CHD8: variants seen among roughly 807,000 people sequenced by gnomAD.
CHD8 encodes ATP-dependent chromatin remodeler CHD8.
CHD8 carries 31 observed loss-of-function variants against 279.2 expected under a neutral mutation model. The ratio of observed to expected loss-of-function variants is 0.11; its 90% CI spans 0.08 to 0.15. The LOEUF (loss-of-function observed/expected upper bound fraction) is 0.15. Among genes scored for constraint, CHD8 ranks in the 10% least tolerant of loss-of-function variants. CHD8 has a pLI of 1.00. For synonymous variants in CHD8, 1,081 were observed against 1,139.6 expected, an observed-to-expected ratio of 0.95 and a Z score of 1.04; for missense variants, 2,146 against 3,230.5, an observed-to-expected ratio of 0.66 and a Z score of 8.14.
At chr14:21,401,095 G>T in intron 21 of CHD8, 24 bp from the exon 22 acceptor site, 1 of 1,521,504 alleles carries the variant, frequency 6.6e-7, no homozygotes, top group Non-Finnish European at 8.9e-7. Context: ...AGAAGGAGAA[G>T]TAATTCTCTT....
In CHD8 at chr14:21,405,682, T is replaced by C. The variant is rs1259736770; in HGVS notation, c.3051+39A>G. On this transcript the variant is annotated intron_variant, in intron 15 of 37. Coordinates refer to ENST00000646647, the MANE Select transcript of CHD8 (RefSeq NM_001170629.2). This position sits in a 1 kb window ranked among gnomAD's most constrained non-coding sequence, Gnocchi z 4.2. ...TCTGCCTTGTACAAACTTCACCTTC[T>C]TTGTCCTGAGTTAGTACCTCATCAG... 6.2e-7 allele frequency: 1 copy of C among 1,607,816 alleles called. No individual in the cohort carries two copies. The highest frequency in any genetic ancestry group is 8.5e-7 in the Non-Finnish European group (1 of 1,176,526).
At chr14:21,444,362 T>C (rs1031844721) in intron 1 of CHD8, among the ~76,000 whole-genome samples, 4 of 152,226 alleles carry the variant, frequency 2.6e-5, no homozygotes, top group Non-Finnish European at 4.4e-5. Context: ...CAAAATAGTT[T>C]AGTTTCAGTT....
chr14:21,399,198 G>T, intron 26 of CHD8: 1 of 288,812 alleles, frequency 3.5e-6, no homozygotes, highest in South Asian at 3.3e-5. Flanking sequence ...ATACAACTGC[G>T]ACAAGATGAT....
chr14:21,449,261 G>A (rs1159020192), intron 1 of CHD8, among the ~76,000 whole-genome samples: 1 of 152,134 alleles, frequency 6.6e-6, no homozygotes, highest in Non-Finnish European at 1.5e-5. Context: ...CCTACTCTTG[G>A]TTGTGTTACC....
intron 37 of CHD8, among the ~76,000 whole-genome samples, chr14:21,390,545 C>T (rs1404940481): frequency 1.3e-5 from 2 of 152,046 alleles, no homozygotes; most frequent in African/African-American, 2.4e-5. Context: ...TTTGGGAGGC[C>T]GAGGCGGGTG....
chr14:21,395,884 A>G lies in CHD8; in HGVS notation c.5060T>C (p.Phe1687Ser). Residue 1687 changes from phenylalanine (F) to serine (S), a missense_variant, in exon 28 of 38, where the codon TTT (phenylalanine) becomes TCT (serine). This residue lies in a region of CHD8 where 75 missense variants were observed against 81.3 expected (regional missense o/e 0.92). Transcript: ENST00000646647. ...TTCAGGATCTTCACAATCTTTATCAAAGTCAACCCTAAAATTATGGAGAGG... is the reference window on the plus strand; with the variant it reads ...TTCAGGATCTTCACAATCTTTATCAGAGTCAACCCTAAAATTATGGAGAGG... ...NFSDIVEGVDFDKDCEDPEYK... is the reference protein window; with the variant it reads ...NFSDIVEGVDSDKDCEDPEYK... 1 of 1,610,030 alleles carries G rather than the reference A, an allele frequency of 6.2e-7. No individual in the cohort carries two copies. Among genetic ancestry groups the G allele is most frequent in the Non-Finnish European group, 8.5e-7 (1 of 1,176,606 alleles).
chr14:21,441,689 C>G lies in CHD8; in HGVS notation c.-215-9831G>C, dbSNP rs570786214. Reference sequence around the variant, plus strand: ...ATATCACGAGGTCAGGAGATGGAGACCATCCTGGCTAACACGGTGAAACCC... The same window carrying G: ...ATATCACGAGGTCAGGAGATGGAGAGCATCCTGGCTAACACGGTGAAACCC... On this transcript the variant is annotated intron_variant, in intron 1 of 37. Transcript: ENST00000646647. 7.0e-3 allele frequency among the ~76,000 whole-genome samples: 1,071 copies of G among 151,968 alleles called. 7 individuals carry two copies. Among genetic ancestry groups the G allele is most frequent in the African/African-American group, 0.013 (528 of 41,428 alleles).
At chr14:21,448,373 ATAAC>A (rs1448037055) in intron 1 of CHD8, among the ~76,000 whole-genome samples, 8 of 152,234 alleles carry the variant, frequency 5.3e-5, no homozygotes, top group Admixed American at 3.9e-4. Context: ...TATCTTCAAA[ATAAC>A]TAAGTTAAAT....
In CHD8 at chr14:21,429,032, T is replaced by C. The variant is rs1889449441; in HGVS notation, c.1147A>G (p.Ile383Val). ...VTLSSVQQAQ[I>V]MGPGQSPGQR... ...CCTGGGCTTTGTCCTGGTCCCATTATCTGAGCCTGCTGTACAGAGGACAGA... is the reference window on the plus strand; with the variant it reads ...CCTGGGCTTTGTCCTGGTCCCATTACCTGAGCCTGCTGTACAGAGGACAGA... Residue 383 changes from isoleucine (I) to valine (V), a missense_variant, in exon 3 of 38, where the codon ATA becomes GTA. Around this residue, in one of 26 missense-constraint regions of CHD8, gnomAD observed 170 missense variants for 189.9 expected, o/e 0.90. Transcript: ENST00000646647. The C allele has an allele frequency of 6.2e-7, 1 of 1,614,036 alleles. No homozygotes were observed. Among genetic ancestry groups the C allele is most frequent in the Non-Finnish European group, 8.5e-7 (1 of 1,179,890 alleles).
At chr14:21,418,282 C>T (rs1167520162) in intron 5 of CHD8, among the ~76,000 whole-genome samples, 2 of 151,998 alleles carry the variant, frequency 1.3e-5, no homozygotes, top group African/African-American at 4.8e-5. Flanking sequence ...CTTTGGAAGG[C>T]CAAGGCGGGC....
chr14:21,403,246 G>A lies in CHD8; in HGVS notation c.3519-34C>T. On this transcript the variant is annotated intron_variant, in intron 17 of 37. Transcript: ENST00000646647. This position sits in a 1 kb window ranked among gnomAD's most constrained non-coding sequence, Gnocchi z 4.3. ...GAATCGCAGAAAAAAAATGTAAGTG[G>A]CTAAGCAGAAGTGGAGACCAAAACA... The A allele has an allele frequency of 6.3e-7, 1 of 1,599,616 alleles. No individual in the cohort carries two copies. The highest frequency in any genetic ancestry group is 1.1e-5 in the South Asian group (1 of 90,028).
chr14:21,423,012 A>G (rs765402567), intron 5 of CHD8, among the ~76,000 whole-genome samples: 20 of 152,326 alleles, frequency 1.3e-4, no homozygotes, highest in Admixed American at 3.9e-4. Flanking sequence ...ACCTGAGGTC[A>G]GGAGTTTGAG....
Position 21,394,397 on chromosome 14 carries a change from C to T in CHD8, c.5479G>A (p.Asp1827Asn), listed in dbSNP as rs1325526242. 2 of 1,613,832 alleles carry T rather than the reference C, an allele frequency of 1.2e-6. No individual in the cohort carries two copies. The highest frequency in any genetic ancestry group is 3.3e-5 in the Admixed American group (2 of 59,996). ...AGTCGAGCAAAAGTGCGGAAGCGATCCCAATGGAACTGCATGGTGTCAGGG... is the reference window on the plus strand; with the variant it reads ...AGTCGAGCAAAAGTGCGGAAGCGATTCCAATGGAACTGCATGGTGTCAGGG... ...YDPDTMQFHWDRFRTFARLDK... is the reference protein window; with the variant it reads ...YDPDTMQFHWNRFRTFARLDK... The change falls in exon 31 of 38, where the codon GAT becomes AAT. Residue 1827 changes from aspartate to asparagine, a missense_variant. Transcript: ENST00000646647.
intron 5 of CHD8, among the ~76,000 whole-genome samples, chr14:21,418,676 C>G (rs1279994028): frequency 6.6e-6 from 1 of 152,040 alleles, no homozygotes; most frequent in East Asian, 1.9e-4. Flanking sequence ...ATTAGCTGGG[C>G]GTGGTGGCAG....
At chr14:21,439,593 T>C (rs182630882) in intron 1 of CHD8, among the ~76,000 whole-genome samples, 52 of 152,348 alleles carry the variant, frequency 3.4e-4, no homozygotes, top group South Asian at 6.2e-4. Context: ...CCCTTACTTA[T>C]GTAGTTGCTT....
intron 1 of CHD8, among the ~76,000 whole-genome samples, chr14:21,437,886 C>A (rs1030385020): frequency 5.3e-5 from 8 of 152,072 alleles, no homozygotes; most frequent in Non-Finnish European, 1.0e-4. Flanking sequence ...CCGCTCAAAA[C>A]AAACACTCCT....
chr14:21,405,473 C>A lies in CHD8; in HGVS notation c.3052-9G>T. The A allele has an allele frequency of 6.3e-7, 1 of 1,597,044 alleles. No individual in the cohort carries two copies. Among genetic ancestry groups the A allele is most frequent in the Non-Finnish European group, 8.5e-7 (1 of 1,171,496 alleles). ...GCCTGTAGCTTTTGAACCTGTGGTC[C>A]ATTACAGAGAGAAAAATAAATCAAT... On this transcript the variant is annotated splice_polypyrimidine_tract_variant and intron_variant, in intron 15 of 37. Transcript: ENST00000646647. This position sits in a 1 kb window ranked among gnomAD's most constrained non-coding sequence, Gnocchi z 4.2.
chr14:21,396,169 A>G (rs189433694), intron 27 of CHD8, among the ~76,000 whole-genome samples: 2 of 150,910 alleles, frequency 1.3e-5, no homozygotes, highest in African/African-American at 4.9e-5. Flanking sequence ...GCTAATTTTC[A>G]TATTTTTTTA....
intron 4 of CHD8, chr14:21,427,571 C>T (rs1224838353): frequency 2.1e-5 from 29 of 1,367,936 alleles, no homozygotes; most frequent in East Asian, 2.8e-5. Flanking sequence ...TACTCTTGCA[C>T]GTCCCATCAC....
Sources: gnomAD v4.1 joint callset for allele counts (sites outside exome capture counted in the v4.1 genomes callset) on GRCh38, gnomAD v4.1.1 for gene constraint, gnomAD v4.1.1 regional missense constraint, Gnocchi (gnomAD v3.1) non-coding constraint, MANE v1.5 for transcripts, NCBI Gene and HGNC (gene_info 2026-07-23, HGNC 2026-07-21) for gene names.